MACROD2: variants seen among roughly 807,000 people sequenced by gnomAD.
MACROD2 encodes mono-ADP ribosylhydrolase 2.
A neutral mutation model predicts 70.4 loss-of-function variants in MACROD2; 36 were observed. That is an observed-to-expected ratio of 0.51 (90% CI 0.39 to 0.68). The LOEUF (loss-of-function observed/expected upper bound fraction) is 0.68, where lower values mean the gene tolerates loss of function less well. Among genes scored for constraint, MACROD2 ranks in the 30% least tolerant of loss-of-function variants. MACROD2 has a pLI of 0.00. For synonymous variants in MACROD2, 172 were observed against 178.8 expected (o/e 0.96, Z 0.30); for missense variants, 496 against 538.4 (o/e 0.92, Z 0.78).
At chr20:14,503,005 T>C (rs1271122197) in intron 4 of MACROD2, among the ~76,000 whole-genome samples, 1 of 152,162 alleles carries the variant, frequency 6.6e-6, no homozygotes, top group African/African-American at 2.4e-5. Context: ...ATTACCAGTC[T>C]AGGAGAAGGT....
chr20:14,330,896 T>A (rs1173109432), intron 3 of MACROD2, among the ~76,000 whole-genome samples: 1 of 152,134 alleles, frequency 6.6e-6, no homozygotes, highest in Non-Finnish European at 1.5e-5. Context: ...TTTTAAAGTA[T>A]CTTCTGTAAA....
intron 12 of MACROD2, among the ~76,000 whole-genome samples, chr20:15,961,579 GA>G (rs1233499412): frequency 6.6e-6 from 1 of 152,192 alleles, no homozygotes; most frequent in Non-Finnish European, 1.5e-5. Flanking sequence ...AAATAACTCA[GA>G]AGCAGTGACC....
At chr20:14,535,666 A>T (rs6074752) in intron 4 of MACROD2, among the ~76,000 whole-genome samples, 41,635 of 151,928 alleles carry the variant, frequency 0.27, 6,068 homozygotes, top group East Asian at 0.45. Context: ...GGCAGAATTA[A>T]TTATGCATTA....
chr20:15,975,726 A>T (rs1057489266), intron 13 of MACROD2, among the ~76,000 whole-genome samples: 1 of 152,226 alleles, frequency 6.6e-6, no homozygotes, highest in Non-Finnish European at 1.5e-5. Context: ...GCTATCCCTT[A>T]GTTATAAAAT....
At chr20:15,976,470 A>G (rs745552106) in intron 13 of MACROD2, among the ~76,000 whole-genome samples, 20 of 152,234 alleles carry the variant, frequency 1.3e-4, no homozygotes, top group Non-Finnish European at 1.5e-4. Context: ...GGAGAATTCA[A>G]CTAGTCCGAA....
At position 14,854,076 on chromosome 20, in the gene MACROD2, G is replaced by A. The variant is rs2073227594; in HGVS notation, c.418+169117G>A. ...TCTGCAGGCCATTTAGTTTTAACCT[G>A]CTCCATGACCCCAGGACACTTTCTA... is the stretch of plus-strand genomic sequence containing the variant. On this transcript the variant is annotated intron_variant, in intron 5 of 17. Coordinates refer to ENST00000684519, the MANE Select transcript of MACROD2 (RefSeq NM_001351661.2). 2.0e-5 allele frequency among the ~76,000 whole-genome samples: 3 copies of A among 152,054 alleles called. No homozygotes were observed. In the South Asian group the frequency reaches 6.2e-4, roughly 32 times the overall value.
rs559270001 is a variant in MACROD2 at position 14,258,088 on chromosome 20, G to T, written c.271+172360G>T. Among the ~76,000 whole-genome samples, 42 of 152,246 alleles carry T rather than the reference G, an allele frequency of 2.8e-4. No individual in the cohort carries two copies. The South Asian group carries it at 8.5e-3, about 31-fold the overall frequency. On this transcript the variant is annotated intron_variant, in intron 3 of 17. Coordinates refer to ENST00000684519, the MANE Select transcript of MACROD2 (RefSeq NM_001351661.2). ...TTTTGTTCCTTTTTATGGCTGAGTA[G>T]TATTCTATGATGTATATATGCCACA...
At chr20:15,268,294 T>G (rs908212808) in intron 6 of MACROD2, among the ~76,000 whole-genome samples, 3 of 152,224 alleles carry the variant, frequency 2.0e-5, no homozygotes, top group Non-Finnish European at 2.9e-5. Context: ...AGACTTATGA[T>G]CTTGTTGATA....
intron 2 of MACROD2, among the ~76,000 whole-genome samples, chr20:14,060,101 A>C (rs978191279): frequency 2.0e-5 from 3 of 152,226 alleles, no homozygotes; most frequent in African/African-American, 7.2e-5. Context: ...AGATTCAATT[A>C]CTATAGCAAA....
At chr20:14,598,921 C>T (rs1329663992) in intron 4 of MACROD2, among the ~76,000 whole-genome samples, 1 of 151,974 alleles carries the variant, frequency 6.6e-6, no homozygotes, top group Non-Finnish European at 1.5e-5. Flanking sequence ...TCTTAATTAT[C>T]TTTATATTAT....
intron 8 of MACROD2, among the ~76,000 whole-genome samples, chr20:15,759,978 C>T (rs1487356524): frequency 6.6e-6 from 1 of 152,146 alleles, no homozygotes; most frequent in Non-Finnish European, 1.5e-5. Flanking sequence ...CAGAAAAGTG[C>T]AAATAATAAT....
At chr20:15,784,370 A>G (rs2051885690) in intron 8 of MACROD2, among the ~76,000 whole-genome samples, 2 of 152,142 alleles carry the variant, frequency 1.3e-5, no homozygotes, top group Admixed American at 1.3e-4. Context: ...ACATCTAAGT[A>G]AACTTGCTTT....
chr20:14,829,097 G>A (rs1404574560), intron 5 of MACROD2, among the ~76,000 whole-genome samples: 1 of 147,084 alleles, frequency 6.8e-6, no homozygotes, highest in Non-Finnish European at 1.5e-5. Context: ...ACCGCTCCCT[G>A]CTCCCCCGCC....
At chr20:15,200,078 A>G (rs2076642300) in intron 5 of MACROD2, among the ~76,000 whole-genome samples, 1 of 151,504 alleles carries the variant, frequency 6.6e-6, no homozygotes, top group Admixed American at 6.6e-5. Flanking sequence ...ATCTTCTTTC[A>G]AGAACCTGCC....
chr20:14,932,925 T>A (rs2074308815), intron 5 of MACROD2, among the ~76,000 whole-genome samples: 1 of 152,184 alleles, frequency 6.6e-6, no homozygotes, highest in Non-Finnish European at 1.5e-5. Context: ...GAAATTTGGA[T>A]AATTATATAA....
chr20:15,864,480 A>G (rs909818950), intron 9 of MACROD2, among the ~76,000 whole-genome samples: 5 of 152,108 alleles, frequency 3.3e-5, no homozygotes, highest in African/African-American at 1.2e-4. Flanking sequence ...CATGTATTCT[A>G]AAATAAAGTC....
At chr20:15,570,984 T>C (rs1162465741) in intron 8 of MACROD2, among the ~76,000 whole-genome samples, 24 of 152,194 alleles carry the variant, frequency 1.6e-4, no homozygotes, top group Non-Finnish European at 3.4e-4. Flanking sequence ...TTTCAATTAT[T>C]TAACCTTAGT....
At chr20:15,765,027 G>A (rs1041252991) in intron 8 of MACROD2, among the ~76,000 whole-genome samples, 2 of 151,880 alleles carry the variant, frequency 1.3e-5, no homozygotes, top group Admixed American at 6.6e-5. Flanking sequence ...CACAACCCCC[G>A]GTCTTTGCTG....
At chr20:14,794,718 T>C (rs2072490713) in intron 5 of MACROD2, among the ~76,000 whole-genome samples, 1 of 152,094 alleles carries the variant, frequency 6.6e-6, no homozygotes, top group Non-Finnish European at 1.5e-5. Context: ...TTTTAATTAG[T>C]TTAACAAATG....
Sources: allele counts gnomAD v4.1 joint callset (sites outside exome capture counted in the v4.1 genomes callset), GRCh38; gene constraint gnomAD v4.1.1; transcripts MANE v1.5; gene names NCBI Gene and HGNC (gene_info 2026-07-23, HGNC 2026-07-21).